The following PREPL variants were observed in gnomAD, a reference collection of about 807,000 sequenced individuals.
The protein encoded by PREPL is prolyl endopeptidase-like.
PREPL carries 77 observed loss-of-function variants against 70.6 expected under a neutral mutation model. That is an observed-to-expected ratio of 1.09 (90% CI 0.91 to 1.32). PREPL has a LOEUF of 1.32. Among genes scored for constraint, PREPL ranks in the 40% most tolerant of loss-of-function variants. The pLI is 0.00. For synonymous variants in PREPL, 315 were observed against 264.8 expected, an observed-to-expected ratio of 1.19 and a Z score of -1.84; for missense variants, 1,002 against 778.2, an observed-to-expected ratio of 1.29 and a Z score of -3.42.
rs1672769448 is a variant in PREPL at position 44,319,784 on chromosome 2, A to T, written c.*1572T>A. ...ACCTACACATTAGTCTACAAAGGGG[A>T]ACAAACCCAAATTCCTCAGAAGTCT... is the stretch of plus-strand genomic sequence containing the variant. On this transcript the variant is annotated 3_prime_UTR_variant, in exon 14 of 14. Transcript: ENST00000409411. 5.6e-6 allele frequency: 1 copy of T among 178,134 alleles called. No individual in the cohort carries two copies. Among genetic ancestry groups the T allele is most frequent in the Admixed American group, 5.5e-5 (1 of 18,064 alleles). The allele number at this position is 178,134 out of a possible 1,614,324, so 11.0% of individuals were successfully genotyped here.
chr2:44,342,592 C>G lies in PREPL; in HGVS notation c.350-40G>C, dbSNP rs1421687335. The G allele has an allele frequency of 2.4e-6, 3 of 1,274,106 alleles. No individual in the cohort carries two copies. The Admixed American group carries it at 7.9e-5, about 34-fold the overall frequency. 78.9% of individuals were successfully genotyped at this position (1,274,106 alleles called of 1,614,324 possible). A position where few individuals can be genotyped will look rare whatever the true frequency, so the allele number is the denominator to read the frequency against. ...TGAGATAATTATACATAATCACCTA[C>G]ACTCCATTAAAAAAAAAAAAAAAGC... On this transcript the variant is annotated intron_variant, in intron 4 of 13. Coordinates refer to ENST00000409411, the MANE Select transcript of PREPL (RefSeq NM_001171613.2).
intron 1 of PREPL, chr2:44,359,777 G>T: frequency 8.3e-7 from 1 of 1,209,600 alleles, no homozygotes; most frequent in Non-Finnish European, 1.2e-6. Flanking sequence ...GATTTTATAG[G>T]TATGATTACA....
At chr2:44,361,802 G>A (rs698775), upstream of PREPL, 655,477 of 969,926 alleles carry the variant, frequency 0.68, 224,368 homozygotes, top group African/African-American at 0.74. Context: ...CTACCAGCAA[G>A]AATGGTGCAA....
intron 1 of PREPL, chr2:44,347,292 T>C (rs1209730002): frequency 2.0e-5 from 3 of 152,214 alleles, no homozygotes; most frequent in African/African-American, 7.2e-5. Flanking sequence ...AGCATGATCA[T>C]GCCATTGCAC....
chr2:44,349,913 T>A (rs1467481861), intron 1 of PREPL, among the ~76,000 whole-genome samples: 1 of 152,132 alleles, frequency 6.6e-6, no homozygotes, highest in Non-Finnish European at 1.5e-5. Flanking sequence ...ATAGAAAAGC[T>A]ATATAAGTCA....
chr2:44,327,013 G>GT lies in PREPL; in HGVS notation c.1263-86dup, dbSNP rs577522391. 9.3e-4 allele frequency: 1,054 copies of GT among 1,129,570 alleles called. 5 individuals carry two copies. In the African/African-American group the frequency reaches 0.014, roughly 15 times the overall value. 70.0% of individuals were successfully genotyped at this position (1,129,570 alleles called of 1,614,324 possible). On this transcript the variant is annotated intron_variant, in intron 9 of 13. Transcript: ENST00000409411. ...GTCAGCGAACTACACCTGGAGGCCTGTTTTTTGTGTGGCCCTGGAGCTAAG... is the reference window on the plus strand; with the variant it reads ...GTCAGCGAACTACACCTGGAGGCCTGTTTTTTTGTGTGGCCCTGGAGCTAAG...
At chr2:44,344,685 A>C in intron 2 of PREPL, 99 bp from the exon 3 acceptor site, 1 of 838,262 alleles carries the variant, frequency 1.2e-6, no homozygotes, top group Non-Finnish European at 1.8e-6. Flanking sequence ...TCTTATAAAA[A>C]ACAGACCTGT....
At chr2:44,356,006 G>C (rs1459217279) in intron 1 of PREPL, among the ~76,000 whole-genome samples, 1 of 152,248 alleles carries the variant, frequency 6.6e-6, no homozygotes, top group African/African-American at 2.4e-5. Flanking sequence ...TATCTGGATG[G>C]ATGGATGCTA....
chr2:44,318,180 T>C lies in PREPL; in HGVS notation c.*3176A>G. 1 of 432,218 alleles carries C rather than the reference T, an allele frequency of 2.3e-6. No homozygotes were observed. The highest frequency in any genetic ancestry group is 4.6e-6 in the Non-Finnish European group (1 of 215,194). The allele number at this position is 432,218 out of a possible 1,614,324, so 26.8% of individuals were successfully genotyped here. A position where few individuals can be genotyped will look rare whatever the true frequency, so the allele number is the denominator to read the frequency against. Reference sequence around the variant, plus strand: ...ATCTCGGCACACTGCAGCCTCTGCTTCCTGGGTTCAAGTGATTCTCCTGCT... The same window carrying C: ...ATCTCGGCACACTGCAGCCTCTGCTCCCTGGGTTCAAGTGATTCTCCTGCT... On this transcript the variant is annotated 3_prime_UTR_variant, in exon 14 of 14. Coordinates refer to ENST00000409411, the MANE Select transcript of PREPL (RefSeq NM_001171613.2).
rs781748065 is a variant in PREPL, at chr2:44,332,531, C to T, written c.1014G>A (p.Leu338=). 1.2e-6 allele frequency: 2 copies of T among 1,614,084 alleles called. No homozygotes were observed. The highest frequency in any genetic ancestry group is 1.7e-6 in the Non-Finnish European group (2 of 1,179,974). ...YYTYKFAEGK[L]FEETGHEDPI... ...GGTCTTCATGCCCAGTTTCCTCAAA[C>T]AGTTTGCCTTCTGCAAACTTGTATG... Residue 338 remains leucine, a synonymous_variant, in exon 8 of 14, where the codon CTG becomes CTA. Coordinates refer to ENST00000409411, the MANE Select transcript of PREPL (RefSeq NM_001171613.2).
In PREPL at chr2:44,320,709, A is replaced by AATAG; in HGVS notation, c.*646_*647insCTAT. 1 of 1,142,288 alleles carries AATAG rather than the reference A, an allele frequency of 8.8e-7. No individual in the cohort carries two copies. Among genetic ancestry groups the AATAG allele is most frequent in the Non-Finnish European group, 1.3e-6 (1 of 752,148 alleles). 70.8% of individuals were successfully genotyped at this position (1,142,288 alleles called of 1,614,324 possible). A position where few individuals can be genotyped will look rare whatever the true frequency, so the allele number is the denominator to read the frequency against. On this transcript the variant is annotated 3_prime_UTR_variant, in exon 14 of 14. Coordinates refer to ENST00000409411, the MANE Select transcript of PREPL (RefSeq NM_001171613.2). Reference sequence around the variant, plus strand: ...GTAAGCATTTGTAATAGCTTCATGTACAGCATGCTGCTTGGTGAACAATCA... The same window carrying AATAG: ...GTAAGCATTTGTAATAGCTTCATGTAATAGCAGCATGCTGCTTGGTGAACAATCA...
chr2:44,350,383 A>T (rs1209358108), intron 1 of PREPL, among the ~76,000 whole-genome samples: 15 of 152,210 alleles, frequency 9.9e-5, no homozygotes, highest in Admixed American at 9.8e-4. Context: ...AAAATAAAAA[A>T]TAATCACACT....
At chr2:44,324,530 T>C (rs927789305) in intron 10 of PREPL, among the ~76,000 whole-genome samples, 3 of 151,886 alleles carry the variant, frequency 2.0e-5, no homozygotes, top group Admixed American at 2.0e-4. Flanking sequence ...ATACCCAAGG[T>C]GAAAGAAGAG....
chr2:44,354,736 G>C (rs909369777), intron 1 of PREPL, among the ~76,000 whole-genome samples: 1 of 152,074 alleles, frequency 6.6e-6, no homozygotes, highest in Non-Finnish European at 1.5e-5. Flanking sequence ...CACCAGGCCC[G>C]GCTAAAATTT....
intron 8 of PREPL, among the ~76,000 whole-genome samples, chr2:44,331,503 G>A (rs1674086776): frequency 6.6e-6 from 1 of 151,994 alleles, no homozygotes. Flanking sequence ...ACTGTGCCCG[G>A]CCAGCCCTAC....
At chr2:44,321,784 C>G (rs1672980755) in intron 13 of PREPL, 43 bp downstream of exon 13, 1 of 1,613,652 alleles carries the variant, frequency 6.2e-7, no homozygotes, top group East Asian at 2.2e-5. Context: ...CAACATGTAT[C>G]TAGTTCGGGA....
rs977061485 is a variant in PREPL at position 44,318,010 on chromosome 2, G to C, written c.*3346C>G. The C allele has an allele frequency of 1.2e-5, 4 of 347,274 alleles. No individual in the cohort carries two copies. Among genetic ancestry groups the C allele is most frequent in the African/African-American group, 4.6e-5 (2 of 43,814 alleles). 21.5% of individuals were successfully genotyped at this position (347,274 alleles called of 1,614,324 possible). On this transcript the variant is annotated 3_prime_UTR_variant, in exon 14 of 14. Transcript: ENST00000409411. Reference sequence around the variant, plus strand: ...TATAGCTATAAACACAAAAAATGAAGTTATCTTTTGACCTAATAATTCCAT... The same window carrying C: ...TATAGCTATAAACACAAAAAATGAACTTATCTTTTGACCTAATAATTCCAT...
intron 4 of PREPL, 112 bp from the exon 5 acceptor site, chr2:44,342,664 A>C: frequency 1.2e-6 from 1 of 821,244 alleles, no homozygotes. Context: ...GTGCAAGTTT[A>C]TCCCTGGAAA....
chr2:44,329,028 C>A lies in PREPL; in HGVS notation c.1171G>T (p.Gly391Ter). Residue 391 changes from glycine (G) to a stop codon, truncating the protein, a stop_gained, in exon 9 of 14, where the codon GGA becomes TGA. Transcript: ENST00000409411. LOFTEE classifies it high-confidence loss of function. The stretch of plus-strand genomic sequence containing the variant: ...ATTTTCAAATCCATTCCATAAGCTC[C>A]ATATACATGTACCAAGAGAGGTTTC... ...QKKPLLVHVY[G>*]AYGMDLKMNF... 1 of 1,613,656 alleles carries A rather than the reference C, an allele frequency of 6.2e-7. No individual in the cohort carries two copies. Among genetic ancestry groups the A allele is most frequent in the Non-Finnish European group, 8.5e-7 (1 of 1,179,586 alleles).
Sources: gnomAD v4.1 joint callset for allele counts (sites outside exome capture counted in the v4.1 genomes callset) on GRCh38, gnomAD v4.1.1 for gene constraint, MANE v1.5 for transcripts, NCBI Gene and HGNC (gene_info 2026-07-23, HGNC 2026-07-21) for gene names.